Variants in IGSF3 observed in about 807,000 individuals in gnomAD.
The protein encoded by IGSF3 is immunoglobulin superfamily member 3, also known as glu-Trp-Ile EWI motif-containing protein 3.
In IGSF3, 23 loss-of-function variants were observed where a neutral mutation model predicts 114.4. The observed-to-expected ratio is 0.20, with a 90% confidence interval of 0.14 to 0.28. The LOEUF (loss-of-function observed/expected upper bound fraction) is 0.28, where lower values mean the gene tolerates loss of function less well. Among genes scored for constraint, IGSF3 ranks in the 10% least tolerant of loss-of-function variants. The pLI is 1.00. For missense variants in IGSF3, 1,172 were observed against 1,591.5 expected, an observed-to-expected ratio of 0.74 and a Z score of 4.48; for synonymous variants, 571 against 645.2, an observed-to-expected ratio of 0.88 and a Z score of 1.74.
In IGSF3 at chr1:116,586,228, A is replaced by T. The variant is rs559123272; in HGVS notation, c.2441-1176T>A. On this transcript the variant is annotated intron_variant, in intron 8 of 10. Transcript: ENST00000369486. ...TTCATGATTACTTTTGTAATTAAAA[A>T]GTCAGAAAATATAAAATAACAAAAT... 9.2e-4 allele frequency among the ~76,000 whole-genome samples: 140 copies of T among 152,378 alleles called. 2 individuals carry two copies. The highest frequency in any genetic ancestry group is 3.3e-3 in the African/African-American group (136 of 41,592).
At chr1:116,635,801 C>T (rs1647800905) in intron 2 of IGSF3, among the ~76,000 whole-genome samples, 1 of 152,232 alleles carries the variant, frequency 6.6e-6, no homozygotes, top group African/African-American at 2.4e-5. Context: ...TCTGGAAAGG[C>T]CTTTTCTCCA....
At position 116,633,633 on chromosome 1, in the gene IGSF3, T is replaced by C. The variant is rs562769587; in HGVS notation, c.44-17176A>G. ...TTCAGCTTTGGAGCCCCCTTCCCTC[T>C]GTCTCTGTATGGGGCAGCTTTTTCC... On this transcript the variant is annotated intron_variant, in intron 2 of 10. Coordinates refer to ENST00000369486, the MANE Select transcript of IGSF3 (RefSeq NM_001007237.3). The surrounding 1 kb of genome is among the most constrained non-coding windows in gnomAD (Gnocchi z 4.3). 1.2e-4 allele frequency among the ~76,000 whole-genome samples: 19 copies of C among 152,302 alleles called. No homozygotes were observed. Among genetic ancestry groups the C allele is most frequent in the African/African-American group, 4.3e-4 (18 of 41,560 alleles).
chr1:116,658,685 A>G (rs1648981984), intron 2 of IGSF3, among the ~76,000 whole-genome samples: 1 of 152,154 alleles, frequency 6.6e-6, no homozygotes, highest in African/African-American at 2.4e-5. Flanking sequence ...TACTTAAGAA[A>G]AATGCCTAAA....
Position 116,600,447 on chromosome 1 carries a change from C to G in IGSF3, c.1625-102G>C, listed in dbSNP as rs1571142067. 14 of 954,300 alleles carry G rather than the reference C, an allele frequency of 1.5e-5. No individual in the cohort carries two copies. The highest frequency in any genetic ancestry group is 2.0e-5 in the Non-Finnish European group (13 of 638,612). The allele number at this position is 954,300 out of a possible 1,614,324, so 59.1% of individuals were successfully genotyped here. A position where few individuals can be genotyped will look rare whatever the true frequency, so the allele number is the denominator to read the frequency against. On this transcript the variant is annotated intron_variant, in intron 6 of 10. Transcript: ENST00000369486. The surrounding 1 kb of genome is among the most constrained non-coding windows in gnomAD (Gnocchi z 5.5). ...AGCTGGCAAAGCAAGCAGTGTGGGA[C>G]AGAGGCTCTCGGAGCCCCTTTTGAG...
rs1648606218 is a variant in IGSF3, at chr1:116,650,818, C to T, written c.43+15466G>A. ...GGTGCTACAATTGGACATGTGTGCACAGAAAATGGAAAAAGAGCCATGAAA... is the reference window on the plus strand; with the variant it reads ...GGTGCTACAATTGGACATGTGTGCATAGAAAATGGAAAAAGAGCCATGAAA... On this transcript the variant is annotated intron_variant, in intron 2 of 10. Transcript: ENST00000369486. The surrounding 1 kb of genome is among the most constrained non-coding windows in gnomAD (Gnocchi z 5.0). Among the ~76,000 whole-genome samples the T allele has an allele frequency of 1.3e-5, 2 of 152,134 alleles. No individual in the cohort carries two copies. The highest frequency in any genetic ancestry group is 4.8e-5 in the African/African-American group (2 of 41,414).
chr1:116,642,326 G>C lies in IGSF3; in HGVS notation c.43+23958C>G, dbSNP rs936695528. ...CTGAAATGACTTAGTAAGGATAAGA[G>C]GTCAAATCATATGCTTTGTAGTGAA... On this transcript the variant is annotated intron_variant, in intron 2 of 10. Transcript: ENST00000369486. The surrounding 1 kb of genome is among the most constrained non-coding windows in gnomAD (Gnocchi z 5.4). Among the ~76,000 whole-genome samples, 12 of 152,094 alleles carry C rather than the reference G, an allele frequency of 7.9e-5. No homozygotes were observed. Among genetic ancestry groups the C allele is most frequent in the African/African-American group, 2.4e-4 (10 of 41,410 alleles).
chr1:116,600,029 T>C lies in IGSF3; in HGVS notation c.1941A>G (p.Ala647=). 6.2e-7 allele frequency: 1 copy of C among 1,614,204 alleles called. No individual in the cohort carries two copies. Among genetic ancestry groups the C allele is most frequent in the Non-Finnish European group, 8.5e-7 (1 of 1,180,038 alleles). ...TGTTGTAGTTCTTCCGCCACAGCTC[T>C]GCCACACACTGGTACTTGCCTGCTT... ...DTEAGKYQCV[A]ELWRKNYNNT... is the part of the protein sequence containing the mutation. The change falls in exon 7 of 11, where the codon GCA becomes GCG. Residue 647 remains alanine (A), a synonymous_variant. Coordinates refer to ENST00000369486, the MANE Select transcript of IGSF3 (RefSeq NM_001007237.3). This position sits in a 1 kb window ranked among gnomAD's most constrained non-coding sequence, Gnocchi z 5.5.
rs1448047385 is a variant in IGSF3, at chr1:116,582,106, C to T, written c.2849-2229G>A. 6.6e-6 allele frequency among the ~76,000 whole-genome samples: 1 copy of T among 152,210 alleles called. No homozygotes were observed. The highest frequency in any genetic ancestry group is 1.5e-5 in the Non-Finnish European group (1 of 68,034). On this transcript the variant is annotated intron_variant, in intron 9 of 10. Coordinates refer to ENST00000369486, the MANE Select transcript of IGSF3 (RefSeq NM_001007237.3). This position sits in a 1 kb window ranked among gnomAD's most constrained non-coding sequence, Gnocchi z 4.7. ...CATTTTTCTTGGCCCCTTCAAATGC[C>T]TTGTCTGCATAAATGACTCAATACA... is the stretch of plus-strand genomic sequence containing the variant.
rs1313055033 is a variant in IGSF3, at chr1:116,616,163, C to T, written c.338G>A (p.Arg113Gln). The stretch of plus-strand genomic sequence containing the variant: ...GTGGCATTCATACTCCCCGGCATCC[C>T]GGGCCTGAAGATCTGTGATGTGCAA... The part of the protein sequence containing the change: ...TLLHITDLQA[R>Q]DAGEYECHTP... The change falls in exon 3 of 11, where the codon CGG (arginine) becomes CAG (glutamine). Residue 113 changes from arginine to glutamine, a missense_variant. Physicochemically the swap from Arg to Gln is conservative, Grantham distance 43. Coordinates refer to ENST00000369486, the MANE Select transcript of IGSF3 (RefSeq NM_001007237.3). The surrounding 1 kb of genome is among the most constrained non-coding windows in gnomAD (Gnocchi z 6.6). The T allele has an allele frequency of 4.3e-6, 7 of 1,613,920 alleles. No homozygotes were observed. The highest frequency in any genetic ancestry group is 5.9e-6 in the Non-Finnish European group (7 of 1,179,778).
rs149128129 is a variant in IGSF3 at position 116,615,286 on chromosome 1, T to TAC, written c.421+792_421+793dup. Reference sequence around the variant, plus strand: ...CGAAGCTCCATCACACATACACACATACACACACACACACACACACGAAAA... The same window carrying TAC: ...CGAAGCTCCATCACACATACACACATACACACACACACACACACACACGAAAA... On this transcript the variant is annotated intron_variant, in intron 3 of 10. Transcript: ENST00000369486. The surrounding 1 kb of genome is among the most constrained non-coding windows in gnomAD (Gnocchi z 4.3). Among the ~76,000 whole-genome samples, 7,579 of 142,756 alleles carry TAC rather than the reference T, an allele frequency of 0.053. 580 individuals carry two copies. The highest frequency in any genetic ancestry group is 0.17 in the African/African-American group (6,624 of 38,708). The allele number at this position is 142,756 out of a possible 152,430, so 93.7% of individuals were successfully genotyped here.
chr1:116,633,044 T>C lies in IGSF3; in HGVS notation c.44-16587A>G, dbSNP rs181062682. Among the ~76,000 whole-genome samples, 1 of 152,358 alleles carries C rather than the reference T, an allele frequency of 6.6e-6. No individual in the cohort carries two copies. Among genetic ancestry groups the C allele is most frequent in the Admixed American group, 6.5e-5 (1 of 15,300 alleles). On this transcript the variant is annotated intron_variant, in intron 2 of 10. Coordinates refer to ENST00000369486, the MANE Select transcript of IGSF3 (RefSeq NM_001007237.3). This position sits in a 1 kb window ranked among gnomAD's most constrained non-coding sequence, Gnocchi z 4.3. ...GAAAAAAATAGCTTCAAATGCTATATAGACCAATGCTGCACGCTGCAGAGA... is the reference window on the plus strand; with the variant it reads ...GAAAAAAATAGCTTCAAATGCTATACAGACCAATGCTGCACGCTGCAGAGA...
intron 2 of IGSF3, among the ~76,000 whole-genome samples, chr1:116,620,990 A>G (rs373345261): frequency 1.3e-5 from 2 of 152,158 alleles, no homozygotes; most frequent in Non-Finnish European, 2.9e-5. Context: ...ATAATCCCCA[A>G]TGTTAGAGGT....
Position 116,600,000 on chromosome 1 carries a change from G to A in IGSF3, c.1970C>T (p.Thr657Ile). 1 of 1,614,166 alleles carries A rather than the reference G, an allele frequency of 6.2e-7. No homozygotes were observed. The highest frequency in any genetic ancestry group is 8.5e-7 in the Non-Finnish European group (1 of 1,180,038). ...GGTCCTCTCCGCCAGTCGCGTCCAG[G>A]TGTTGTTGTAGTTCTTCCGCCACAG... ...AELWRKNYNN[T>I]WTRLAERTSN... Residue 657 changes from threonine to isoleucine, a missense_variant, in exon 7 of 11, where the codon ACC becomes ATC. By Grantham distance (89) the Thr-to-Ile change is moderately conservative. Coordinates refer to ENST00000369486, the MANE Select transcript of IGSF3 (RefSeq NM_001007237.3).
chr1:116,648,360 G>T lies in IGSF3; in HGVS notation c.43+17924C>A, dbSNP rs1247414080. On this transcript the variant is annotated intron_variant, in intron 2 of 10. Coordinates refer to ENST00000369486, the MANE Select transcript of IGSF3 (RefSeq NM_001007237.3). This position sits in a 1 kb window ranked among gnomAD's most constrained non-coding sequence, Gnocchi z 4.7. ...TGGGTATTAGGAGTTGAGGTGTTCG[G>T]TTAGAGAAGAAACAGGATGCACGGG... Among the ~76,000 whole-genome samples the T allele has an allele frequency of 1.3e-5, 2 of 152,182 alleles. No individual in the cohort carries two copies. Among genetic ancestry groups the T allele is most frequent in the African/African-American group, 4.8e-5 (2 of 41,432 alleles).
chr1:116,657,894 C>A lies in IGSF3; in HGVS notation c.43+8390G>T, dbSNP rs1377510600. ...TGCACTACATCAAAGAAAGAACACACAACTGGTATCAGATTTTTTTTTCTG... is the reference window on the plus strand; with the variant it reads ...TGCACTACATCAAAGAAAGAACACAAAACTGGTATCAGATTTTTTTTTCTG... On this transcript the variant is annotated intron_variant, in intron 2 of 10. Transcript: ENST00000369486. The surrounding 1 kb of genome is among the most constrained non-coding windows in gnomAD (Gnocchi z 4.2). Among the ~76,000 whole-genome samples, 1 of 152,142 alleles carries A rather than the reference C, an allele frequency of 6.6e-6. No individual in the cohort carries two copies. Among genetic ancestry groups the A allele is most frequent in the Non-Finnish European group, 1.5e-5 (1 of 68,030 alleles).
intron 2 of IGSF3, among the ~76,000 whole-genome samples, chr1:116,652,300 T>C (rs1266784953): frequency 1.3e-5 from 2 of 152,252 alleles, no homozygotes; most frequent in Non-Finnish European, 2.9e-5. Flanking sequence ...ATCATTCTTA[T>C]TTCTCTCCTA....
intron 4 of IGSF3, among the ~76,000 whole-genome samples, chr1:116,609,200 C>T (rs1317661993): frequency 2.0e-5 from 3 of 151,904 alleles, no homozygotes; most frequent in African/African-American, 7.2e-5. Context: ...GAAATGATTA[C>T]TAAACCCAAG....
chr1:116,577,299 G>C lies in IGSF3; in HGVS notation c.*13C>G. 6.2e-7 allele frequency: 1 copy of C among 1,612,164 alleles called. No homozygotes were observed. Among genetic ancestry groups the C allele is most frequent in the Non-Finnish European group, 8.5e-7 (1 of 1,179,036 alleles). ...GCTCCTCCGTGGCCAACATCCGCTG[G>C]GGCATCACCCGCTTAGTCTATGGCC... is the stretch of plus-strand genomic sequence containing the variant. On this transcript the variant is annotated 3_prime_UTR_variant, in exon 11 of 11. Coordinates refer to ENST00000369486, the MANE Select transcript of IGSF3 (RefSeq NM_001007237.3). This position sits in a 1 kb window ranked among gnomAD's most constrained non-coding sequence, Gnocchi z 5.7.
rs1415714799 is a variant in IGSF3, at chr1:116,598,139, G to A, written c.2029+1802C>T. ...CCAGAAACAGGCAAATACTAGGGAT[G>A]TATTCAAAAAGGCAATGTCAGACAA... is the stretch of plus-strand genomic sequence containing the variant. On this transcript the variant is annotated intron_variant, in intron 7 of 10. Coordinates refer to ENST00000369486, the MANE Select transcript of IGSF3 (RefSeq NM_001007237.3). This position sits in a 1 kb window ranked among gnomAD's most constrained non-coding sequence, Gnocchi z 4.3. Among the ~76,000 whole-genome samples the A allele has an allele frequency of 2.6e-5, 4 of 152,146 alleles. No homozygotes were observed. The highest frequency in any genetic ancestry group is 5.9e-5 in the Non-Finnish European group (4 of 68,024).
Sources: gnomAD v4.1 joint callset for allele counts (sites outside exome capture counted in the v4.1 genomes callset) on GRCh38, gnomAD v4.1.1 for gene constraint, Gnocchi (gnomAD v3.1) non-coding constraint, MANE v1.5 for transcripts, NCBI Gene and HGNC (gene_info 2026-07-23, HGNC 2026-07-21) for gene names.